The following TENM3 variants were observed in gnomAD, a reference collection of about 807,000 sequenced individuals.
The protein encoded by TENM3 is teneurin-3.
A neutral mutation model predicts 255.1 loss-of-function variants in TENM3; 63 were observed. That is an observed-to-expected ratio of 0.25 (90% CI 0.20 to 0.30). The LOEUF (loss-of-function observed/expected upper bound fraction) is 0.30. Among genes scored for constraint, TENM3 ranks in the 10% least tolerant of loss-of-function variants. The probability of loss-of-function intolerance (pLI) is 1.00; values close to 1 mark genes in which losing one functional copy is unlikely to be tolerated. For missense variants in TENM3, 2,929 were observed against 3,461.1 expected (o/e 0.85, Z 3.86); for synonymous variants, 1,306 against 1,322.3 (o/e 0.99, Z 0.27).
the TENM3 span, among the ~76,000 whole-genome samples, chr4:181,738,803 A>C: frequency 4.6e-5 from 7 of 152,192 alleles, no homozygotes; most frequent in African/African-American, 1.7e-4. Flanking sequence ...TAGCTTTTAA[A>C]ATGTGTTTTC....
the TENM3 span, among the ~76,000 whole-genome samples, chr4:181,955,206 G>T: frequency 6.6e-6 from 1 of 152,260 alleles, no homozygotes; most frequent in East Asian, 1.9e-4. Context: ...ACAATTTGGA[G>T]GGATTCTTAT....
At chr4:181,712,096 C>A in the TENM3 span, among the ~76,000 whole-genome samples, 1 of 152,068 alleles carries the variant, frequency 6.6e-6, no homozygotes, top group Non-Finnish European at 1.5e-5. Flanking sequence ...CTCTTTCTCA[C>A]TCCTCCCCAA....
chr4:182,238,710 C>T (rs576009773), upstream of TENM3, among the ~76,000 whole-genome samples: 53 of 152,270 alleles, frequency 3.5e-4, no homozygotes, highest in African/African-American at 1.2e-3. Flanking sequence ...CCTGTGCCTA[C>T]GGACTGAATC....
At chr4:181,658,510 C>A in the TENM3 span, among the ~76,000 whole-genome samples, 1 of 152,122 alleles carries the variant, frequency 6.6e-6, no homozygotes, top group African/African-American at 2.4e-5. Context: ...ACATTCATGC[C>A]CCCACTCCCA....
At chr4:181,917,022 C>T in the TENM3 span, among the ~76,000 whole-genome samples, 1 of 152,264 alleles carries the variant, frequency 6.6e-6, no homozygotes, top group Non-Finnish European at 1.5e-5. Flanking sequence ...AATCCTTTCT[C>T]AGGTCTGTTA....
chr4:182,442,865 C>T (rs1427520882), intron 3 of TENM3, among the ~76,000 whole-genome samples: 30 of 150,772 alleles, frequency 2.0e-4, no homozygotes, highest in Non-Finnish European at 3.7e-4. Context: ...CACACACACA[C>T]ACACACACAC....
At chr4:181,448,385 A>G in the TENM3 span, among the ~76,000 whole-genome samples, 2 of 150,736 alleles carry the variant, frequency 1.3e-5, no homozygotes, top group East Asian at 2.0e-4. Context: ...TTTAGCCGGG[A>G]TGGTCTCGAT....
the TENM3 span, among the ~76,000 whole-genome samples, chr4:181,907,009 G>T: frequency 6.6e-6 from 1 of 152,106 alleles, no homozygotes; most frequent in Non-Finnish European, 1.5e-5. Context: ...CTCCCCAGTA[G>T]CTGTGATTAC....
the TENM3 span, among the ~76,000 whole-genome samples, chr4:181,883,585 C>G: frequency 6.6e-6 from 1 of 152,124 alleles, no homozygotes; most frequent in East Asian, 1.9e-4. Flanking sequence ...CGCCATTCTC[C>G]TGCCTCAGCC....
rs778309282 is a variant in TENM3 at position 182,754,456 on chromosome 4, T to C, written c.4089T>C (p.Asn1363=). 1.9e-6 allele frequency: 3 copies of C among 1,612,268 alleles called. No homozygotes were observed. The highest frequency in any genetic ancestry group is 1.3e-5 in the African/African-American group (1 of 75,030). ...MDNSIYVLDN[N]VVLQITENRQ... ...ACTCCATTTATGTCCTGGATAATAATGTAGTTTTACAGATCACTGAAAATC... is the reference window on the plus strand; with the variant it reads ...ACTCCATTTATGTCCTGGATAATAACGTAGTTTTACAGATCACTGAAAATC... The change falls in exon 22 of 28, where the codon AAT becomes AAC. Residue 1363 remains asparagine (N), a synonymous_variant. Transcript: ENST00000511685. This position sits in a 1 kb window ranked among gnomAD's most constrained non-coding sequence, Gnocchi z 5.1.
chr4:182,252,276 T>G (rs983470255), intron 1 of TENM3, among the ~76,000 whole-genome samples: 3 of 152,188 alleles, frequency 2.0e-5, no homozygotes, highest in African/African-American at 7.2e-5. Context: ...ACACACGACT[T>G]TCTTTCATTA....
chr4:181,869,969 G>A, the TENM3 span, among the ~76,000 whole-genome samples: 1 of 152,130 alleles, frequency 6.6e-6, no homozygotes, highest in Non-Finnish European at 1.5e-5. Flanking sequence ...TTTCTGTAAT[G>A]AAGACAAGGG....
At chr4:181,849,949 T>TCTCTCTCTCTCTCTCTCTCACACACA in the TENM3 span, among the ~76,000 whole-genome samples, 1 of 65,904 alleles carries the variant, frequency 1.5e-5, no homozygotes. Flanking sequence ...TCTCTCTCTC[T>TCTCTCTCTCTCTCTCTCTCACACACA]CACACACACA....
At chr4:182,183,781 C>T (rs72696031) in intron 1 of TENM3, among the ~76,000 whole-genome samples, 8,930 of 152,186 alleles carry the variant, frequency 0.059, 362 homozygotes, top group Non-Finnish European at 0.084. Flanking sequence ...TAATACCACA[C>T]GTACTTATTT....
At chr4:182,453,688 T>C (rs1773656744) in intron 3 of TENM3, among the ~76,000 whole-genome samples, 1 of 152,220 alleles carries the variant, frequency 6.6e-6, no homozygotes, top group Admixed American at 6.5e-5. Flanking sequence ...GTGCCTTTTT[T>C]TCCTTAACCT....
the TENM3 span, among the ~76,000 whole-genome samples, chr4:181,835,942 T>G: frequency 3.3e-5 from 5 of 152,146 alleles, no homozygotes; most frequent in Non-Finnish European, 4.4e-5. Context: ...TCCCAAACCC[T>G]TGGTCATTTT....
At chr4:181,700,212 T>G in the TENM3 span, among the ~76,000 whole-genome samples, 1 of 130,522 alleles carries the variant, frequency 7.7e-6, no homozygotes, top group South Asian at 2.5e-4. Flanking sequence ...AAGTTTGATT[T>G]TTATTTTATT....
the TENM3 span, among the ~76,000 whole-genome samples, chr4:181,458,089 A>G: frequency 2.6e-5 from 4 of 151,966 alleles, no homozygotes; most frequent in Non-Finnish European, 5.9e-5. Context: ...ATTGTACCGC[A>G]AACAATTGGT....
intron 3 of TENM3, among the ~76,000 whole-genome samples, chr4:182,448,558 T>C (rs536414153): frequency 1.8e-4 from 27 of 152,278 alleles, no homozygotes; most frequent in African/African-American, 6.0e-4. Context: ...GAGATGCTTT[T>C]GTGAGCACGG....
Sources: allele counts gnomAD v4.1 joint callset (sites outside exome capture counted in the v4.1 genomes callset), GRCh38; gene constraint gnomAD v4.1.1; non-coding constraint Gnocchi (gnomAD v3.1); transcripts MANE v1.5; gene names NCBI Gene and HGNC (gene_info 2026-07-23, HGNC 2026-07-21).